The following BCAT1 variants were observed in gnomAD, a reference collection of about 807,000 sequenced individuals.
BCAT1 encodes branched-chain-amino-acid aminotransferase, cytosolic.
Under a neutral mutation model 52.4 loss-of-function variants are expected in BCAT1, and 48 were observed. The observed-to-expected ratio is 0.92, with a 90% CI of 0.73 to 1.16. The LOEUF is 1.16. Ranked by LOEUF, BCAT1 falls within the 50% of genes most tolerant of loss-of-function variation. The pLI, the probability that BCAT1 is intolerant of heterozygous loss-of-function variation, is 0.00. For missense variants in BCAT1, 451 were observed against 457.1 expected (o/e 0.99, Z 0.12); for synonymous variants, 167 against 161.3 (o/e 1.04, Z -0.27).
chr12:24,887,368 A>G (rs1420718251), intron 3 of BCAT1, among the ~76,000 whole-genome samples: 1 of 152,020 alleles, frequency 6.6e-6, no homozygotes, highest in East Asian at 1.9e-4. Context: ...TAGATCTTAC[A>G]TAATACTAAG....
rs141827172 is a variant in BCAT1, at chr12:24,890,534, T to C, written c.279+3741A>G. On this transcript the variant is annotated intron_variant, in intron 3 of 10. Transcript: ENST00000261192. Reference sequence around the variant, plus strand: ...TGGCAATGAAAGGGATGTCTGGCCGTCCTCGCTGCTCATTATAAGCTAATT... The same window carrying C: ...TGGCAATGAAAGGGATGTCTGGCCGCCCTCGCTGCTCATTATAAGCTAATT... Among the ~76,000 whole-genome samples, 1,144 of 152,216 alleles carry C rather than the reference T, an allele frequency of 7.5e-3. 9 individuals carry two copies. The highest frequency in any genetic ancestry group is 0.027 in the African/African-American group (1,106 of 41,536).
Position 24,853,708 on chromosome 12 carries a change from T to C in BCAT1, c.511-3759A>G, listed in dbSNP as rs1003150699. Among the ~76,000 whole-genome samples the C allele has an allele frequency of 2.6e-5, 4 of 152,192 alleles. No individual in the cohort carries two copies. The East Asian group carries it at 7.7e-4, about 29-fold the overall frequency. On this transcript the variant is annotated intron_variant, in intron 5 of 10. Transcript: ENST00000261192. ...TCCCACGATGATAAGTTCAGTCATCTGATTAAATAAAGCAAAAGCCACATA... is the reference window on the plus strand; with the variant it reads ...TCCCACGATGATAAGTTCAGTCATCCGATTAAATAAAGCAAAAGCCACATA...
At chr12:24,947,801 A>G (rs1943954076) in intron 1 of BCAT1, among the ~76,000 whole-genome samples, 1 of 152,270 alleles carries the variant, frequency 6.6e-6, no homozygotes, top group Non-Finnish European at 1.5e-5. Flanking sequence ...TACTAAAGCT[A>G]TAATCAACTA....
intron 2 of BCAT1, among the ~76,000 whole-genome samples, chr12:24,900,612 G>A (rs1943076750): frequency 1.3e-5 from 2 of 152,114 alleles, no homozygotes; most frequent in Admixed American, 1.3e-4. Flanking sequence ...GAAAGGAAAA[G>A]ATTATTTAAA....
chr12:24,949,224 C>T, upstream of BCAT1: 1 of 504,176 alleles, frequency 2.0e-6, no homozygotes, highest in Non-Finnish European at 3.5e-6. Context: ...AGATTCGGAG[C>T]CAGCGCCCAG....
chr12:24,849,522 T>C (rs1941441283), intron 6 of BCAT1, among the ~76,000 whole-genome samples: 2 of 152,354 alleles, frequency 1.3e-5, no homozygotes, highest in South Asian at 4.1e-4. Flanking sequence ...AGATATCATA[T>C]CCAGTGTTTC....
chr12:24,847,495 T>C (rs1226462622), intron 6 of BCAT1, among the ~76,000 whole-genome samples: 1 of 152,216 alleles, frequency 6.6e-6, no homozygotes, highest in Non-Finnish European at 1.5e-5. Flanking sequence ...CAGGTCTTTC[T>C]GACTTCAAAG....
chr12:24,869,250 G>A (rs1942113206), intron 5 of BCAT1, among the ~76,000 whole-genome samples: 1 of 152,164 alleles, frequency 6.6e-6, no homozygotes, highest in East Asian at 1.9e-4. Context: ...GTGGGAAGAA[G>A]ACCCCAGAGA....
At chr12:24,870,015 T>TGTGTGC (rs1555108662) in intron 5 of BCAT1, among the ~76,000 whole-genome samples, 16 of 151,750 alleles carry the variant, frequency 1.1e-4, no homozygotes, top group African/African-American at 3.6e-4. Flanking sequence ...TGTGTGTGTG[T>TGTGTGC]GTGTGTGTGT....
At chr12:24,832,235 G>A (rs7976928) in intron 9 of BCAT1, among the ~76,000 whole-genome samples, 92,707 of 152,010 alleles carry the variant, frequency 0.61, 28,977 homozygotes, top group East Asian at 0.83. Flanking sequence ...CTCCAATCCC[G>A]ACATGTAGGT....
Position 24,812,849 on chromosome 12 carries a change from A to G in BCAT1, c.*5159T>C, listed in dbSNP as rs1939734427. On this transcript the variant is annotated 3_prime_UTR_variant, in exon 11 of 11. Coordinates refer to ENST00000261192, the MANE Select transcript of BCAT1 (RefSeq NM_005504.7). ...AGCCAGTGAAACTATATTTTAATTCATTCTTACACCACAGCCTACATCAAT... is the reference window on the plus strand; with the variant it reads ...AGCCAGTGAAACTATATTTTAATTCGTTCTTACACCACAGCCTACATCAAT... The G allele has an allele frequency of 6.6e-6, 1 of 152,024 alleles. No homozygotes were observed. Among genetic ancestry groups the G allele is most frequent in the South Asian group, 2.1e-4 (1 of 4,834 alleles). The allele number at this position is 152,024 out of a possible 1,614,324, so 9.4% of individuals were successfully genotyped here.
Position 24,833,815 on chromosome 12 carries a change from T to C in BCAT1, c.904-952A>G, listed in dbSNP as rs76524143. ...AAATTTGGTACTCTTTCTACGTTTG[T>C]CTCTTTCTTTTTTTTTTTTTTTTAA... On this transcript the variant is annotated intron_variant, in intron 8 of 10. Transcript: ENST00000261192. 156 of 116,782 alleles carry C rather than the reference T, an allele frequency of 1.3e-3. 1 individual carries two copies. The highest frequency in any genetic ancestry group is 1.5e-3 in the Non-Finnish European group (74 of 50,336). The allele number at this position is 116,782 out of a possible 1,614,324, so 7.2% of individuals were successfully genotyped here.
rs920112009 is a variant in BCAT1, at chr12:24,907,446, C to T, written c.7-5561G>A. 2.0e-5 allele frequency among the ~76,000 whole-genome samples: 3 copies of T among 152,320 alleles called. No individual in the cohort carries two copies. The East Asian group carries it at 5.8e-4, about 29-fold the overall frequency. ...TCCATCATATCCCCTGTGACCTGCACGTATACATCCAGATGGCCTGAAGCA... is the reference window on the plus strand; with the variant it reads ...TCCATCATATCCCCTGTGACCTGCATGTATACATCCAGATGGCCTGAAGCA... On this transcript the variant is annotated intron_variant, in intron 1 of 10. Coordinates refer to ENST00000261192, the MANE Select transcript of BCAT1 (RefSeq NM_005504.7).
intron 3 of BCAT1, among the ~76,000 whole-genome samples, chr12:24,887,412 G>GCA (rs142575643): frequency 1.3e-5 from 2 of 151,384 alleles, no homozygotes; most frequent in African/African-American, 2.4e-5. Context: ...ACGTGTGCAA[G>GCA]CACACACACA....
chr12:24,942,016 C>T (rs937703986), intron 1 of BCAT1, among the ~76,000 whole-genome samples: 4 of 152,192 alleles, frequency 2.6e-5, no homozygotes, highest in Admixed American at 1.3e-4. Context: ...ATGCACTAAA[C>T]TAAACTCAGG....
chr12:24,855,704 T>C (rs1229862707), intron 5 of BCAT1, among the ~76,000 whole-genome samples: 1 of 152,230 alleles, frequency 6.6e-6, no homozygotes, highest in East Asian at 1.9e-4. Context: ...TAAATTTCTT[T>C]CTGAGAAGTC....
chr12:24,913,390 G>A (rs2139705850), intron 1 of BCAT1, among the ~76,000 whole-genome samples: 1 of 152,354 alleles, frequency 6.6e-6, no homozygotes, highest in East Asian at 1.9e-4. Context: ...TGACAGATGG[G>A]AAGATTTGTT....
chr12:24,862,651 T>C (rs549663132), intron 5 of BCAT1, among the ~76,000 whole-genome samples: 85 of 152,316 alleles, frequency 5.6e-4, no homozygotes, highest in African/African-American at 2.0e-3. Context: ...TAGCTCCTCC[T>C]ATAGCCTGTT....
intron 5 of BCAT1, among the ~76,000 whole-genome samples, chr12:24,876,083 T>G (rs1942327055): frequency 1.3e-5 from 2 of 151,920 alleles, no homozygotes; most frequent in South Asian, 4.1e-4. Context: ...CTCACATAAT[T>G]TATTGAATAC....
Sources: gnomAD v4.1 joint callset for allele counts (sites outside exome capture counted in the v4.1 genomes callset) on GRCh38, gnomAD v4.1.1 for gene constraint, MANE v1.5 for transcripts, NCBI Gene and HGNC (gene_info 2026-07-23, HGNC 2026-07-21) for gene names.